SFTPB: variants seen among roughly 807,000 people sequenced by gnomAD.
SFTPB encodes surfactant protein B, also known as pulmonary surfactant-associated protein B.
Under a neutral mutation model 51.0 loss-of-function variants are expected in SFTPB, and 32 were observed. The ratio of observed to expected loss-of-function variants is 0.63; its 90% CI spans 0.47 to 0.84. The LOEUF (loss-of-function observed/expected upper bound fraction) is 0.84, where lower values mean the gene tolerates loss of function less well. Among genes scored for constraint, SFTPB ranks in the 40% least tolerant of loss-of-function variants. The probability of loss-of-function intolerance (pLI) is 0.00; values close to 1 mark genes in which losing one functional copy is unlikely to be tolerated. For synonymous variants in SFTPB, 211 were observed against 208.5 expected (o/e 1.01, Z -0.10); for missense variants, 431 against 491.2 (o/e 0.88, Z 1.16).
intron 6 of SFTPB, among the ~76,000 whole-genome samples, chr2:85,664,900 G>A (rs1677494515): frequency 6.6e-6 from 1 of 152,226 alleles, no homozygotes; most frequent in African/African-American, 2.4e-5. Context: ...AGGCAAGGAT[G>A]GGGAATCTAT....
intron 10 of SFTPB, 74 bp downstream of exon 10, chr2:85,661,380 G>A (rs1462464128): frequency 9.5e-7 from 1 of 1,051,954 alleles, no homozygotes; most frequent in Non-Finnish European, 1.4e-6. Flanking sequence ...TGCTTGGGGA[G>A]CAGAAGGGCC....
At chr2:85,664,382 C>G (rs1677470082) in intron 6 of SFTPB, among the ~76,000 whole-genome samples, 1 of 152,170 alleles carries the variant, frequency 6.6e-6, no homozygotes, top group Non-Finnish European at 1.5e-5. Context: ...GCAGTGGGCC[C>G]ACCTCCCAAA....
At chr2:85,666,303 G>T (rs576025014) in intron 4 of SFTPB, among the ~76,000 whole-genome samples, 1 of 141,150 alleles carries the variant, frequency 7.1e-6, no homozygotes, top group Non-Finnish European at 1.6e-5. Flanking sequence ...TGCTGTGTGT[G>T]TGTGTGTTTC....
rs1409491226 is a variant in SFTPB, at chr2:85,668,003, AC to A, written c.67+113del. On this transcript the variant is annotated intron_variant, in intron 1 of 10. Coordinates refer to ENST00000519937, the MANE Select transcript of SFTPB (RefSeq NM_000542.5). ...TGGATAAGCTCTGAACCCTCTCTGA[AC>A]CCCAGCTGCCTTGTCTTTAAAATGA... The A allele has an allele frequency of 7.5e-6, 9 of 1,194,696 alleles. No homozygotes were observed. The Admixed American group carries it at 1.6e-4, about 22-fold the overall frequency. The allele number at this position is 1,194,696 out of a possible 1,614,324, so 74.0% of individuals were successfully genotyped here. A position where few individuals can be genotyped will look rare whatever the true frequency, so the allele number is the denominator to read the frequency against.
rs755272756 is a variant in SFTPB, at chr2:85,667,102, T to C, written c.267+4A>G. The C allele has an allele frequency of 6.2e-7, 1 of 1,606,588 alleles. No individual in the cohort carries two copies. Among genetic ancestry groups the C allele is most frequent in the South Asian group, 1.1e-5 (1 of 90,940 alleles). On this transcript the variant is annotated splice_donor_region_variant and intron_variant, in intron 3 of 10. Transcript: ENST00000519937. ...ACCTTCATCCAGGATCTGGGCATCA[T>C]TACCTGGAAAATGGCCTCCTTGGCC...
At position 85,657,565 on chromosome 2, in the gene SFTPB, A is replaced by G. The variant is rs1677112736; in HGVS notation, c.*2137T>C. 6.6e-6 allele frequency: 1 copy of G among 152,180 alleles called. No homozygotes were observed. The allele number at this position is 152,180 out of a possible 1,614,324, so 9.4% of individuals were successfully genotyped here. A position where few individuals can be genotyped will look rare whatever the true frequency, so the allele number is the denominator to read the frequency against. ...TGGAGCCAGAGGCTGTGGGGAGAAG[A>G]TGGAAAAAGCCCCAAGCTCAGTGTC... On this transcript the variant is annotated 3_prime_UTR_variant, in exon 11 of 11. Transcript: ENST00000519937.
chr2:85,666,716 C>T lies in SFTPB; in HGVS notation c.294G>A (p.Gln98=), dbSNP rs766040982. The part of the protein sequence containing the change: ...FQDTMRKFLE[Q]ECNVLPLKLL... The stretch of plus-strand genomic sequence containing the variant: ...GCTTCAAGGGGAGGACGTTGCACTC[C>T]TGCTCCAGGAACTTCCTCATCGTGT... The change falls in exon 4 of 11, where the codon CAG becomes CAA. Residue 98 remains glutamine, a synonymous_variant. Transcript: ENST00000519937. The T allele has an allele frequency of 1.9e-6, 3 of 1,613,754 alleles. No individual in the cohort carries two copies. The African/African-American group carries it at 4.0e-5, about 22-fold the overall frequency.
At chr2:85,661,909 C>T (rs148965639) in intron 9 of SFTPB, 120 bp downstream of exon 9, 5 of 901,616 alleles carry the variant, frequency 5.5e-6, no homozygotes, top group Admixed American at 2.3e-5. Flanking sequence ...GTCCCTGGCC[C>T]GTGCACCTGG....
intron 4 of SFTPB, 108 bp downstream of exon 4, chr2:85,666,509 G>GTA: frequency 9.0e-7 from 1 of 1,111,924 alleles, no homozygotes; most frequent in Non-Finnish European, 1.3e-6. Flanking sequence ...GTGTGTGTGT[G>GTA]TGTGTGTGTG....
At position 85,657,663 on chromosome 2, in the gene SFTPB, A is replaced by T; in HGVS notation, c.*2039T>A. The T allele has an allele frequency of 6.6e-6, 1 of 152,218 alleles. No homozygotes were observed. Among genetic ancestry groups the T allele is most frequent in the Non-Finnish European group, 1.5e-5 (1 of 68,052 alleles). 9.4% of individuals were successfully genotyped at this position (152,218 alleles called of 1,614,324 possible). A position where few individuals can be genotyped will look rare whatever the true frequency, so the allele number is the denominator to read the frequency against. ...GGGTGTCACATGCTTCCCTGTGAAG[A>T]GACTACCAAACAGGCTTTGTGTGAA... On this transcript the variant is annotated 3_prime_UTR_variant, in exon 11 of 11. Transcript: ENST00000519937.
chr2:85,661,853 A>G (rs545138834), intron 9 of SFTPB, among the ~76,000 whole-genome samples, 176 bp downstream of exon 9: 4 of 151,750 alleles, frequency 2.6e-5, no homozygotes, highest in Admixed American at 6.5e-5. Context: ...CCCCTTTTCC[A>G]TGCTCTCATG....
At position 85,659,585 on chromosome 2, in the gene SFTPB, C is replaced by A. The variant is rs1423547706; in HGVS notation, c.*117G>T. Reference sequence around the variant, plus strand: ...GAGGAGGGCGGTGTGGGAGCTGAGGCTTCTTTTCAGCCTGGCAGCTGGCGA... The same window carrying A: ...GAGGAGGGCGGTGTGGGAGCTGAGGATTCTTTTCAGCCTGGCAGCTGGCGA... On this transcript the variant is annotated 3_prime_UTR_variant, in exon 11 of 11. Transcript: ENST00000519937. 1 of 152,562 alleles carries A rather than the reference C, an allele frequency of 6.6e-6. No homozygotes were observed. The highest frequency in any genetic ancestry group is 2.1e-4 in the South Asian group (1 of 4,838). The allele number at this position is 152,562 out of a possible 1,614,324, so 9.5% of individuals were successfully genotyped here.
In SFTPB at chr2:85,665,276, C is replaced by T. The variant is rs759600966; in HGVS notation, c.672+13G>A. On this transcript the variant is annotated intron_variant, in intron 6 of 10. Transcript: ENST00000519937. ...GTGTGCTCCTGGGCTCTGTGAGGCC[C>T]TGGATGCCTCACCTTGGGAATCATG... 3 of 1,601,842 alleles carry T rather than the reference C, an allele frequency of 1.9e-6. No individual in the cohort carries two copies. Among genetic ancestry groups the T allele is most frequent in the Admixed American group, 3.3e-5 (2 of 59,976 alleles).
intron 8 of SFTPB, 114 bp downstream of exon 8, chr2:85,663,228 CCTGT>C: frequency 7.3e-7 from 1 of 1,369,238 alleles, no homozygotes; most frequent in Non-Finnish European, 1.0e-6. Flanking sequence ...ATCCTGTCTG[CCTGT>C]CTGTGCTCCA....
At chr2:85,664,760 C>A (rs756626653) in intron 6 of SFTPB, among the ~76,000 whole-genome samples, 13 of 152,230 alleles carry the variant, frequency 8.5e-5, no homozygotes, top group Non-Finnish European at 1.3e-4. Context: ...GCCCACGCAA[C>A]CCTATCTGGG....
Position 85,663,479 on chromosome 2 carries a change from C to A in SFTPB, c.869G>T (p.Gly290Val), listed in dbSNP as rs45504597. Residue 290 changes from glycine to valine, a missense_variant, in exon 8 of 11, where the codon GGA becomes GTA. Physicochemically the swap from Gly to Val is moderately radical, Grantham distance 109 (BLOSUM62 -3). Coordinates refer to ENST00000519937, the MANE Select transcript of SFTPB (RefSeq NM_000542.5). Reference sequence around the variant, plus strand: ...CTCAGAGTCTCGCGGCAGCCATTCTCCTGTCGGCGACCCTGGAGATGTGAG... The same window carrying A: ...CTCAGAGTCTCGCGGCAGCCATTCTACTGTCGGCGACCCTGGAGATGTGAG... ...DDSAGPRSPT[G>V]EWLPRDSECH... The A allele has an allele frequency of 1.9e-6, 3 of 1,613,896 alleles. No individual in the cohort carries two copies. The South Asian group carries it at 3.3e-5, about 18-fold the overall frequency.
intron 6 of SFTPB, 130 bp from the exon 7 acceptor site, chr2:85,663,977 C>T (rs1677451038): frequency 1.1e-6 from 1 of 877,798 alleles, no homozygotes; most frequent in Non-Finnish European, 1.7e-6. Flanking sequence ...CAAGGCTATT[C>T]ACAAATAAGG....
At chr2:85,663,256 T>C in intron 8 of SFTPB, 90 bp downstream of exon 8, 3 of 1,551,988 alleles carry the variant, frequency 1.9e-6, no homozygotes, top group Non-Finnish European at 2.6e-6. Flanking sequence ...TGGCCCATCC[T>C]AGGTGTCTCT....
At position 85,665,786 on chromosome 2, in the gene SFTPB, G is replaced by A. The variant is rs374131015; in HGVS notation, c.402C>T (p.Asn134=). The A allele has an allele frequency of 8.4e-5, 136 of 1,614,052 alleles. No individual in the cohort carries two copies. Among genetic ancestry groups the A allele is most frequent in the Non-Finnish European group, 1.0e-4 (121 of 1,180,016 alleles). Residue 134 remains asparagine (N), a synonymous_variant, in exon 5 of 11, where the codon AAC becomes AAT. Transcript: ENST00000519937. ...IDYFQNQTDS[N]GICMHLGLCK... Reference sequence around the variant, plus strand: ...ACAGGCCCAGGTGCATACAGATGCCGTTTGAGTCCTGGGGCACAGCACAGG... The same window carrying A: ...ACAGGCCCAGGTGCATACAGATGCCATTTGAGTCCTGGGGCACAGCACAGG...
Sources: gnomAD v4.1 joint callset for allele counts (sites outside exome capture counted in the v4.1 genomes callset) on GRCh38, gnomAD v4.1.1 for gene constraint, MANE v1.5 for transcripts, NCBI Gene and HGNC (gene_info 2026-07-23, HGNC 2026-07-21) for gene names.